The following NPLOC4 variants were observed in gnomAD, a reference collection of about 807,000 sequenced individuals.
NPLOC4 encodes nuclear protein localization protein 4 homolog.
In NPLOC4, 18 loss-of-function variants were observed where a neutral mutation model predicts 80.6. That is an observed-to-expected ratio of 0.22 (90% CI 0.15 to 0.33). The LOEUF (loss-of-function observed/expected upper bound fraction) is 0.33. Ranked by LOEUF, NPLOC4 falls within the 10% of genes least tolerant of loss-of-function variation. The pLI, the probability that NPLOC4 is intolerant of heterozygous loss-of-function variation, is 1.00. For synonymous variants in NPLOC4, 313 were observed against 301.5 expected (o/e 1.04, Z -0.39); for missense variants, 540 against 786.1 (o/e 0.69, Z 3.74).
At chr17:81,624,433 A>G (rs2035744918) in intron 2 of NPLOC4, among the ~76,000 whole-genome samples, 1 of 151,984 alleles carries the variant, frequency 6.6e-6, no homozygotes, top group East Asian at 1.9e-4. Flanking sequence ...AAACAAAAAC[A>G]AAAACAAAGA....
At chr17:81,585,557 G>C (rs1207102636) in intron 12 of NPLOC4, among the ~76,000 whole-genome samples, 1 of 151,944 alleles carries the variant, frequency 6.6e-6, no homozygotes, top group Non-Finnish European at 1.5e-5. Context: ...AGCTACTCGG[G>C]AGGCTGAGGC....
At chr17:81,607,060 C>G (rs2035221569) in intron 6 of NPLOC4, among the ~76,000 whole-genome samples, 2 of 152,164 alleles carry the variant, frequency 1.3e-5, no homozygotes, top group Admixed American at 1.3e-4. Flanking sequence ...ACTTTCCTAC[C>G]AAACTGTGGT....
At chr17:81,626,980 C>A (rs1018315931) in intron 2 of NPLOC4, among the ~76,000 whole-genome samples, 2 of 151,754 alleles carry the variant, frequency 1.3e-5, no homozygotes, top group African/African-American at 4.8e-5. Flanking sequence ...GTCCCAGCTA[C>A]TCGGGAGGCT....
intron 3 of NPLOC4, among the ~76,000 whole-genome samples, chr17:81,621,910 C>A (rs533817917): frequency 2.4e-4 from 37 of 152,338 alleles, no homozygotes; most frequent in South Asian, 1.9e-3. Context: ...CGTACATGGA[C>A]AAAGACAATA....
intron 9 of NPLOC4, among the ~76,000 whole-genome samples, chr17:81,598,094 C>CAAA (rs71367068): frequency 0.011 from 1,002 of 88,184 alleles, 53 homozygotes; most frequent in Admixed American, 0.11. Context: ...GACTCTGTCT[C>CAAA]AAAAAAAAAA....
At position 81,617,806 on chromosome 17, in the gene NPLOC4, G is replaced by A. The variant is rs868578372; in HGVS notation, c.210-4312C>T. 2.6e-5 allele frequency among the ~76,000 whole-genome samples: 4 copies of A among 152,264 alleles called. No homozygotes were observed. In the South Asian group the frequency reaches 6.2e-4, roughly 24 times the overall value. On this transcript the variant is annotated intron_variant, in intron 3 of 16. Transcript: ENST00000331134. ...GCCGAGTGCCTGCGATTGCAGGCGC[G>A]CGCCGCCACGCCTGACTGGTTTTCG... is the stretch of plus-strand genomic sequence containing the variant.
chr17:81,579,749 T>C (rs1163184980), intron 12 of NPLOC4, among the ~76,000 whole-genome samples: 1 of 152,148 alleles, frequency 6.6e-6, no homozygotes, highest in African/African-American at 2.4e-5. Flanking sequence ...GTATTTCCCT[T>C]ACGTTAATAA....
At chr17:81,613,715 A>G (rs2035402764) in intron 3 of NPLOC4, among the ~76,000 whole-genome samples, 1 of 152,050 alleles carries the variant, frequency 6.6e-6, no homozygotes, top group Admixed American at 6.6e-5. Flanking sequence ...ATCTCTTACA[A>G]CTTTACCTTA....
intron 11 of NPLOC4, among the ~76,000 whole-genome samples, chr17:81,592,322 T>A (rs1433133936): frequency 6.6e-6 from 1 of 151,842 alleles, no homozygotes; most frequent in Non-Finnish European, 1.5e-5. Context: ...TTTACTTGAG[T>A]TAGAAAACCT....
intron 1 of NPLOC4, among the ~76,000 whole-genome samples, chr17:81,634,625 G>A (rs1215101188): frequency 2.7e-5 from 4 of 146,698 alleles, no homozygotes; most frequent in Non-Finnish European, 4.5e-5. Flanking sequence ...TTGCTCTGTC[G>A]CCCAGGCTGG....
chr17:81,605,237 C>T (rs1179329906), intron 7 of NPLOC4, among the ~76,000 whole-genome samples: 6 of 147,756 alleles, frequency 4.1e-5, no homozygotes, highest in South Asian at 4.3e-4. Context: ...GCTGAGATGG[C>T]GCCACTGCAC....
In NPLOC4 at chr17:81,567,868, G is replaced by A; in HGVS notation, c.1450-335C>T. On this transcript the variant is annotated intron_variant, in intron 14 of 16. Transcript: ENST00000331134. This position sits in a 1 kb window ranked among gnomAD's most constrained non-coding sequence, Gnocchi z 4.5. ...GAGGCCGAGGCAGGCAGGTGGTCAG[G>A]AGTTCGAGACCAGTCTGGCCAACAT... The A allele has an allele frequency of 4.5e-6, 1 of 221,606 alleles. No individual in the cohort carries two copies. The highest frequency in any genetic ancestry group is 7.0e-5 in the South Asian group (1 of 14,218). 13.7% of individuals were successfully genotyped at this position (221,606 alleles called of 1,614,324 possible). A position where few individuals can be genotyped will look rare whatever the true frequency, so the allele number is the denominator to read the frequency against.
chr17:81,596,170 G>A lies in NPLOC4; in HGVS notation c.1066C>T (p.Arg356Trp), dbSNP rs376323005. Residue 356 changes from arginine to tryptophan, a missense_variant, in exon 11 of 17, where the codon CGG becomes TGG. By Grantham distance (101) the Arg-to-Trp change is moderately radical. Coordinates refer to ENST00000331134, the MANE Select transcript of NPLOC4 (RefSeq NM_017921.4). ...DFQNKHPNMCRLSPDGHFGSK... is the reference protein window; with the variant it reads ...DFQNKHPNMCWLSPDGHFGSK... The stretch of plus-strand genomic sequence containing the variant: ...CCAAAATGTCCGTCTGGAGAGAGCC[G>A]GCACATGTTGGGATGCTTGTTCTGG... The A allele has an allele frequency of 9.3e-6, 15 of 1,613,746 alleles. No individual in the cohort carries two copies. The highest frequency in any genetic ancestry group is 1.7e-5 in the Admixed American group (1 of 59,982).
chr17:81,586,917 C>T (rs2034594957), intron 12 of NPLOC4, among the ~76,000 whole-genome samples: 1 of 152,170 alleles, frequency 6.6e-6, no homozygotes, highest in East Asian at 1.9e-4. Flanking sequence ...GACAGCTCAC[C>T]ACCACCACAT....
rs185924972 is a variant in NPLOC4 at position 81,616,761 on chromosome 17, G to A, written c.210-3267C>T. Among the ~76,000 whole-genome samples the A allele has an allele frequency of 1.8e-4, 28 of 151,664 alleles. No homozygotes were observed. The South Asian group carries it at 4.0e-3, about 21-fold the overall frequency. On this transcript the variant is annotated intron_variant, in intron 3 of 16. Coordinates refer to ENST00000331134, the MANE Select transcript of NPLOC4 (RefSeq NM_017921.4). ...AAAAAAAAGAGTAACACACTACCAC[G>A]CAAGTAAGAGTGGGCAGAGACATAA...
chr17:81,608,513 C>T (rs2035262156), intron 6 of NPLOC4, among the ~76,000 whole-genome samples: 1 of 152,134 alleles, frequency 6.6e-6, no homozygotes, highest in South Asian at 2.1e-4. Context: ...GAGTTCTAGA[C>T]CAGCCTGGGC....
intron 5 of NPLOC4, 104 bp downstream of exon 5, chr17:81,610,106 C>CACTCACTACAGCCAAGTGCGTGG: frequency 1.0e-6 from 1 of 987,584 alleles, no homozygotes; most frequent in Non-Finnish European, 1.5e-6. Context: ...TTCTTTGAAC[C>CACTCACTACAGCCAAGTGCGTGG]ACTCACTACA....
chr17:81,621,222 C>T (rs966757055), intron 3 of NPLOC4, among the ~76,000 whole-genome samples: 1 of 152,178 alleles, frequency 6.6e-6, no homozygotes, highest in Non-Finnish European at 1.5e-5. Context: ...TGAACATCAA[C>T]AACAAGAGGT....
intron 12 of NPLOC4, among the ~76,000 whole-genome samples, chr17:81,583,169 C>G (rs567800796): frequency 6.6e-6 from 1 of 152,238 alleles, no homozygotes; most frequent in Non-Finnish European, 1.5e-5. Context: ...AAATATCTAT[C>G]AAAACTCGAA....
Sources: gnomAD v4.1 joint callset for allele counts (sites outside exome capture counted in the v4.1 genomes callset) on GRCh38, gnomAD v4.1.1 for gene constraint, Gnocchi (gnomAD v3.1) non-coding constraint, MANE v1.5 for transcripts, NCBI Gene and HGNC (gene_info 2026-07-23, HGNC 2026-07-21) for gene names.